The following CNTN5 variants were observed in gnomAD, a reference collection of about 807,000 sequenced individuals.
CNTN5 encodes the protein contactin-5.
Under a neutral mutation model 129.1 loss-of-function variants are expected in CNTN5, and 77 were observed. The ratio of observed to expected loss-of-function variants is 0.60; its 90% confidence interval spans 0.50 to 0.72. The LOEUF (loss-of-function observed/expected upper bound fraction) is 0.72. CNTN5 is among the 30% of genes least tolerant of loss of function. The pLI, the probability that CNTN5 is intolerant of heterozygous loss-of-function variation, is 0.00. For missense variants in CNTN5, 1,478 were observed against 1,328.8 expected, an observed-to-expected ratio of 1.11 and a Z score of -1.75; for synonymous variants, 509 against 465.6, an observed-to-expected ratio of 1.09 and a Z score of -1.20.
chr11:99,438,750 G>A (rs1943698624), intron 2 of CNTN5, among the ~76,000 whole-genome samples: 1 of 152,088 alleles, frequency 6.6e-6, no homozygotes. Context: ...TAATGTTTGT[G>A]CATCAATCCA....
intron 3 of CNTN5, among the ~76,000 whole-genome samples, chr11:99,702,329 C>T (rs1159412258): frequency 6.6e-6 from 1 of 150,852 alleles, no homozygotes; most frequent in Non-Finnish European, 1.5e-5. Context: ...CTGTTACTAG[C>T]CTTGTCACCA....
chr11:100,297,780 C>A, intron 19 of CNTN5, 85 bp downstream of exon 19: 1 of 1,023,658 alleles, frequency 9.8e-7, no homozygotes, highest in Non-Finnish European at 1.5e-6. Context: ...ATTAAGCAGT[C>A]CACTTGATTC....
At chr11:99,065,060 C>T (rs1362674832) in intron 1 of CNTN5, among the ~76,000 whole-genome samples, 2 of 151,910 alleles carry the variant, frequency 1.3e-5, no homozygotes, top group Admixed American at 1.3e-4. Context: ...TTTTAATTTG[C>T]TCTTTATAAT....
intron 6 of CNTN5, among the ~76,000 whole-genome samples, chr11:99,846,499 T>A (rs1023389692): frequency 6.6e-6 from 1 of 152,078 alleles, no homozygotes; most frequent in African/African-American, 2.4e-5. Flanking sequence ...TTTATTATTA[T>A]TCCTTAATAA....
chr11:99,729,868 G>T (rs1249794492), intron 3 of CNTN5, among the ~76,000 whole-genome samples: 10 of 152,124 alleles, frequency 6.6e-5, no homozygotes, highest in Non-Finnish European at 1.0e-4. Context: ...TGGACACGGG[G>T]AGGGGAACAA....
chr11:100,095,547 T>A (rs1222527636), intron 13 of CNTN5, among the ~76,000 whole-genome samples: 2 of 152,068 alleles, frequency 1.3e-5, no homozygotes, highest in Non-Finnish European at 2.9e-5. Flanking sequence ...CGTGGGTTCA[T>A]TGTGTATAGT....
intron 15 of CNTN5, among the ~76,000 whole-genome samples, chr11:100,209,647 T>C (rs1948985124): frequency 6.6e-6 from 1 of 152,230 alleles, no homozygotes; most frequent in Admixed American, 6.5e-5. Context: ...CTACCTCATC[T>C]GTCCTAAAAT....
chr11:99,042,525 G>A (rs1864037063), intron 1 of CNTN5, among the ~76,000 whole-genome samples: 1 of 151,462 alleles, frequency 6.6e-6, no homozygotes, highest in African/African-American at 2.4e-5. Context: ...ACAGGCGCCC[G>A]CCACCACACC....
chr11:99,452,451 C>A (rs1944342414), intron 2 of CNTN5, among the ~76,000 whole-genome samples: 1 of 146,332 alleles, frequency 6.8e-6, no homozygotes, highest in Non-Finnish European at 1.5e-5. Flanking sequence ...TGGCTCATAG[C>A]AAACTCTGCC....
At chr11:99,787,076 T>G (rs1305892438) in intron 3 of CNTN5, among the ~76,000 whole-genome samples, 1 of 134,986 alleles carries the variant, frequency 7.4e-6, no homozygotes, top group Non-Finnish European at 1.6e-5. Context: ...TTTCATTTGC[T>G]TCTGAAACTA....
chr11:99,871,626 C>T (rs1014298058), intron 6 of CNTN5, among the ~76,000 whole-genome samples: 3 of 151,628 alleles, frequency 2.0e-5, no homozygotes, highest in African/African-American at 7.3e-5. Context: ...AACAAAAGGA[C>T]ATAAAGTTGA....
At chr11:99,499,006 A>T (rs1157109398) in intron 2 of CNTN5, among the ~76,000 whole-genome samples, 3 of 152,192 alleles carry the variant, frequency 2.0e-5, no homozygotes, top group Non-Finnish European at 2.9e-5. Flanking sequence ...TTGCAATCAC[A>T]TGAGCCAATA....
intron 1 of CNTN5, among the ~76,000 whole-genome samples, chr11:99,053,275 T>C (rs1864498459): frequency 6.6e-6 from 1 of 151,888 alleles, no homozygotes; most frequent in South Asian, 2.1e-4. Flanking sequence ...AGTGAACTAA[T>C]TTTTTGCTGA....
At chr11:99,880,858 A>G (rs1948754170) in intron 6 of CNTN5, among the ~76,000 whole-genome samples, 1 of 152,168 alleles carries the variant, frequency 6.6e-6, no homozygotes, top group South Asian at 2.1e-4. Context: ...CACTTCAACC[A>G]TCTATTTGTG....
chr11:100,043,421 A>T (rs1212357732), intron 9 of CNTN5, among the ~76,000 whole-genome samples: 1 of 152,166 alleles, frequency 6.6e-6, no homozygotes, highest in East Asian at 1.9e-4. Context: ...GCTCCAAATA[A>T]CTTGGAGGCA....
chr11:99,955,141 A>T (rs932515675), intron 7 of CNTN5, among the ~76,000 whole-genome samples: 4 of 151,048 alleles, frequency 2.6e-5, no homozygotes, highest in African/African-American at 9.7e-5. Context: ...TAATAAAAAA[A>T]TTTGATTTTA....
At chr11:99,702,979 C>T (rs1391849754) in intron 3 of CNTN5, among the ~76,000 whole-genome samples, 1 of 150,688 alleles carries the variant, frequency 6.6e-6, no homozygotes, top group Non-Finnish European at 1.5e-5. Flanking sequence ...AAAGATACTT[C>T]GATACACTGA....
intron 6 of CNTN5, among the ~76,000 whole-genome samples, chr11:99,860,979 G>A (rs1328853613): frequency 3.5e-5 from 4 of 113,490 alleles, no homozygotes; most frequent in South Asian, 3.0e-4. Flanking sequence ...TTTTTGAGAC[G>A]GAGTCTCGCT....
At chr11:100,353,885 T>C (rs962307181) in intron 24 of CNTN5, among the ~76,000 whole-genome samples, 3 of 151,416 alleles carry the variant, frequency 2.0e-5, no homozygotes, top group Non-Finnish European at 3.0e-5. Flanking sequence ...AAATTCAGAC[T>C]CTATCTTTGC....
Sources: gnomAD v4.1 joint callset for allele counts (sites outside exome capture counted in the v4.1 genomes callset) on GRCh38, gnomAD v4.1.1 for gene constraint, MANE v1.5 for transcripts, NCBI Gene and HGNC (gene_info 2026-07-23, HGNC 2026-07-21) for gene names.